SDHAF2: variants seen among roughly 807,000 people sequenced by gnomAD.
SDHAF2 encodes the protein succinate dehydrogenase complex assembly factor 2, also known as succinate dehydrogenase assembly factor 2, mitochondrial.
SDHAF2 carries 21 observed loss-of-function variants against 18.5 expected under a neutral mutation model. The ratio of observed to expected loss-of-function variants is 1.13; its 90% CI spans 0.80 to 1.63. The LOEUF (loss-of-function observed/expected upper bound fraction) is 1.63. Among genes scored for constraint, SDHAF2 ranks in the 40% most tolerant of loss-of-function variants. The pLI is 0.00. For synonymous variants in SDHAF2, 84 were observed against 70.7 expected (o/e 1.19, Z -0.94); for missense variants, 195 against 200.3 (o/e 0.97, Z 0.16).
intron 1 of SDHAF2, chr11:61,431,206 A>G (rs1376507990): frequency 6.6e-6 from 1 of 152,112 alleles, no homozygotes; most frequent in African/African-American, 2.4e-5. Context: ...GTATTTTTGT[A>G]GAGATGGGGT....
intron 3 of SDHAF2, among the ~76,000 whole-genome samples, chr11:61,440,900 A>T (rs1263043986): frequency 6.6e-6 from 1 of 152,072 alleles, no homozygotes; most frequent in Non-Finnish European, 1.5e-5. Context: ...TTTTTCCCCA[A>T]CCATTAAAAA....
chr11:61,445,291 G>A (rs889222463), intron 3 of SDHAF2, among the ~76,000 whole-genome samples: 4 of 152,184 alleles, frequency 2.6e-5, no homozygotes, highest in South Asian at 2.1e-4. Context: ...ACCCACTGCC[G>A]TAGACTGAGG....
At position 61,437,701 on chromosome 11, in the gene SDHAF2, A is replaced by G; in HGVS notation, c.113A>G (p.Asp38Gly). 6.2e-7 allele frequency: 1 copy of G among 1,614,228 alleles called. No individual in the cohort carries two copies. The highest frequency in any genetic ancestry group is 8.5e-7 in the Non-Finnish European group (1 of 1,180,036). Residue 38 changes from aspartate (D) to glycine (G), a missense_variant, in exon 2 of 4, where the codon GAC (aspartate) becomes GGC (glycine). Transcript: ENST00000301761. ...TCATTCAGACGCTTCTACAGAGGTGACAGCCCAACAGATTCCCAAAAGGAC... is the reference window on the plus strand; with the variant it reads ...TCATTCAGACGCTTCTACAGAGGTGGCAGCCCAACAGATTCCCAAAAGGAC... ...VTSFRRFYRG[D>G]SPTDSQKDMI...
intron 3 of SDHAF2, among the ~76,000 whole-genome samples, chr11:61,444,890 T>C (rs80198980): frequency 3.1e-4 from 47 of 152,352 alleles, no homozygotes; most frequent in Non-Finnish European, 5.3e-4. Flanking sequence ...GTTTCGTCTG[T>C]TGGGTTGCCT....
At chr11:61,439,296 TC>T (rs1240310804) in intron 3 of SDHAF2, among the ~76,000 whole-genome samples, 3 of 152,166 alleles carry the variant, frequency 2.0e-5, no homozygotes, top group Non-Finnish European at 4.4e-5. Flanking sequence ...GTTTTCTACT[TC>T]TTGATCCAGG....
chr11:61,441,544 A>C (rs1459801693), intron 3 of SDHAF2, among the ~76,000 whole-genome samples: 1 of 151,190 alleles, frequency 6.6e-6, no homozygotes, highest in Non-Finnish European at 1.5e-5. Context: ...AAAAGATCAG[A>C]CTCAACAAGT....
At chr11:61,437,048 A>G (rs1387806524) in intron 1 of SDHAF2, 1 of 1,171,342 alleles carries the variant, frequency 8.5e-7, no homozygotes, top group Non-Finnish European at 1.1e-6. Context: ...TAGTTTCTGG[A>G]AAGGCACTGG....
Position 61,446,667 on chromosome 11 carries a change from G to A in SDHAF2, c.*596G>A, listed in dbSNP as rs1862142666. 5.0e-6 allele frequency: 2 copies of A among 400,184 alleles called. No individual in the cohort carries two copies. The highest frequency in any genetic ancestry group is 7.1e-5 in the East Asian group (2 of 28,100). The allele number at this position is 400,184 out of a possible 1,614,324, so 24.8% of individuals were successfully genotyped here. A position where few individuals can be genotyped will look rare whatever the true frequency, so the allele number is the denominator to read the frequency against. On this transcript the variant is annotated 3_prime_UTR_variant, in exon 4 of 4. Transcript: ENST00000301761. ...TTAGGAGTCAACATCTTCATCATTG[G>A]GCTTTCTTTAAAACGTGCACTTTGT... is the stretch of plus-strand genomic sequence containing the variant.
In SDHAF2 at chr11:61,446,594, C is replaced by G. The variant is rs1267914880; in HGVS notation, c.*523C>G. 1 of 433,404 alleles carries G rather than the reference C, an allele frequency of 2.3e-6. No homozygotes were observed. The highest frequency in any genetic ancestry group is 2.0e-5 in the African/African-American group (1 of 49,882). 26.8% of individuals were successfully genotyped at this position (433,404 alleles called of 1,614,324 possible). On this transcript the variant is annotated 3_prime_UTR_variant, in exon 4 of 4. Coordinates refer to ENST00000301761, the MANE Select transcript of SDHAF2 (RefSeq NM_017841.4). ...TCCTGAGCTGAATCCTTCAAAGGCA[C>G]AGCAGGCAGAATGAGGGCCACAGGC...
At chr11:61,443,317 T>C (rs1323419105) in intron 3 of SDHAF2, among the ~76,000 whole-genome samples, 4 of 152,258 alleles carry the variant, frequency 2.6e-5, no homozygotes, top group African/African-American at 9.6e-5. Flanking sequence ...TGTCTGCTTT[T>C]TCCACTGGCG....
intron 3 of SDHAF2, among the ~76,000 whole-genome samples, chr11:61,438,802 T>C (rs1862029368): frequency 6.6e-6 from 1 of 152,116 alleles, no homozygotes; most frequent in Non-Finnish European, 1.5e-5. Flanking sequence ...CTGAGCACTT[T>C]GGGAGGCTGA....
In SDHAF2 at chr11:61,436,450, A is replaced by G. The variant is rs114340534; in HGVS notation, c.37-1175A>G. On this transcript the variant is annotated intron_variant, in intron 1 of 3. Coordinates refer to ENST00000301761, the MANE Select transcript of SDHAF2 (RefSeq NM_017841.4). ...AGGGAGTGAGTGCTTGCCAGTCTAA[A>G]CTGTCACCTTTGTTCTCCATGGTTC... Among the ~76,000 whole-genome samples, 519 of 152,276 alleles carry G rather than the reference A, an allele frequency of 3.4e-3. 6 individuals are homozygous for G. The highest frequency in any genetic ancestry group is 0.012 in the African/African-American group (502 of 41,538).
chr11:61,437,002 G>A (rs1434798362), intron 1 of SDHAF2: 3 of 1,173,412 alleles, frequency 2.6e-6, no homozygotes, highest in East Asian at 6.2e-5. Flanking sequence ...GAATTTTAAG[G>A]GAGTGCAAAG....
At chr11:61,430,605 T>G (rs1291571736) in intron 1 of SDHAF2, 1 of 220,624 alleles carries the variant, frequency 4.5e-6, no homozygotes, top group African/African-American at 2.3e-5. Flanking sequence ...TTAATACATG[T>G]GTACATCGAA....
intron 1 of SDHAF2, chr11:61,430,392 G>C: frequency 1.6e-6 from 1 of 636,800 alleles, no homozygotes. Context: ...GGAAATATCT[G>C]CTTAAACGAT....
intron 1 of SDHAF2, chr11:61,435,848 T>A (rs1435799941): frequency 6.6e-6 from 1 of 152,090 alleles, no homozygotes; most frequent in African/African-American, 2.4e-5. Flanking sequence ...TACGACTGGG[T>A]GTGGTGGCTC....
Position 61,437,797 on chromosome 11 carries a change from T to A in SDHAF2, c.209T>A (p.Leu70Gln). 6.2e-7 allele frequency: 1 copy of A among 1,614,144 alleles called. No homozygotes were observed. The highest frequency in any genetic ancestry group is 8.5e-7 in the Non-Finnish European group (1 of 1,180,044). The part of the protein sequence containing the change: ...DESIETKRAR[L>Q]LYESRKRGML... Reference sequence around the variant, plus strand: ...TCCATAGAAACCAAAAGAGCCCGCCTGCTCTATGAGAGCAGAAAGAGGGGA... The same window carrying A: ...TCCATAGAAACCAAAAGAGCCCGCCAGCTCTATGAGAGCAGAAAGAGGGGA... Residue 70 changes from leucine (L) to glutamine (Q), a missense_variant, in exon 2 of 4, where the codon CTG (leucine) becomes CAG (glutamine). By Grantham distance (113) the Leu-to-Gln change is moderately radical (BLOSUM62 -2). Coordinates refer to ENST00000301761, the MANE Select transcript of SDHAF2 (RefSeq NM_017841.4).
In SDHAF2 at chr11:61,437,988, T is replaced by C; in HGVS notation, c.261-16T>C. 3 of 1,612,420 alleles carry C rather than the reference T, an allele frequency of 1.9e-6. No individual in the cohort carries two copies. The highest frequency in any genetic ancestry group is 2.2e-5 in the East Asian group (1 of 44,876). The stretch of plus-strand genomic sequence containing the variant: ...CCTTCTCAACCTCTTTTTCTTTTTT[T>C]CTTTCTTGTTTTTAGTCTTTTTGCT... On this transcript the variant is annotated splice_polypyrimidine_tract_variant and intron_variant, in intron 2 of 3. Transcript: ENST00000301761.
At chr11:61,434,047 C>T (rs1387410437) in intron 1 of SDHAF2, 1 of 152,192 alleles carries the variant, frequency 6.6e-6, no homozygotes, top group Non-Finnish European at 1.5e-5. Flanking sequence ...GCCACTGCAC[C>T]CAGCTTTTTC....
Sources: gnomAD v4.1 joint callset for allele counts (sites outside exome capture counted in the v4.1 genomes callset) on GRCh38, gnomAD v4.1.1 for gene constraint, MANE v1.5 for transcripts, NCBI Gene and HGNC (gene_info 2026-07-23, HGNC 2026-07-21) for gene names.